Variants in MAP3K20 observed in about 807,000 individuals in gnomAD.
The protein encoded by MAP3K20 is mitogen-activated protein kinase kinase kinase 20.
MAP3K20 carries 40 observed loss-of-function variants against 85.7 expected under a neutral mutation model. That is an observed-to-expected ratio of 0.47 (90% CI 0.36 to 0.61). The LOEUF is 0.61. Among genes scored for constraint, MAP3K20 ranks in the 20% least tolerant of loss-of-function variants. MAP3K20 has a pLI of 0.00. For synonymous variants in MAP3K20, 325 were observed against 327.7 expected, an observed-to-expected ratio of 0.99 and a Z score of 0.09; for missense variants, 817 against 961.7, an observed-to-expected ratio of 0.85 and a Z score of 1.99.
At chr2:173,164,872 T>G (rs1212482285) in intron 2 of MAP3K20, among the ~76,000 whole-genome samples, 1 of 152,118 alleles carries the variant, frequency 6.6e-6, no homozygotes, top group Non-Finnish European at 1.5e-5. Flanking sequence ...CCCTGTAAAC[T>G]TATAGAAATG....
At chr2:173,212,419 G>A (rs1190301825) in intron 10 of MAP3K20, 1 of 152,096 alleles carries the variant, frequency 6.6e-6, no homozygotes. Flanking sequence ...CAAGGACATA[G>A]TAAAAGGATT....
chr2:173,106,907 A>G (rs1465259166), intron 2 of MAP3K20, among the ~76,000 whole-genome samples: 1 of 152,126 alleles, frequency 6.6e-6, no homozygotes, highest in African/African-American at 2.4e-5. Context: ...GGTAATTCCT[A>G]AGTCATGACC....
At chr2:173,096,739 A>T (rs74867280) in intron 2 of MAP3K20, among the ~76,000 whole-genome samples, 161 of 152,302 alleles carry the variant, frequency 1.1e-3, no homozygotes, top group African/African-American at 3.8e-3. Context: ...TTACTTTCAT[A>T]TCGCTTTTCC....
chr2:173,145,382 A>G (rs1283242624), intron 2 of MAP3K20, among the ~76,000 whole-genome samples: 3 of 152,222 alleles, frequency 2.0e-5, no homozygotes, highest in Non-Finnish European at 4.4e-5. Flanking sequence ...TATATCTGTC[A>G]AAGCACTTGC....
chr2:173,113,239 G>A (rs1374709053), intron 2 of MAP3K20, among the ~76,000 whole-genome samples: 2 of 151,944 alleles, frequency 1.3e-5, no homozygotes, highest in African/African-American at 4.8e-5. Context: ...AGTTGTAATA[G>A]CTCCTGTTTT....
At chr2:173,221,229 T>A in intron 11 of MAP3K20, 1 of 1,613,558 alleles carries the variant, frequency 6.2e-7, no homozygotes, top group Non-Finnish European at 8.5e-7. Context: ...AGTGCAGAGA[T>A]GTCATGTCAG....
In MAP3K20 at chr2:173,261,076, T is replaced by C. The variant is rs531586273; in HGVS notation, c.1490T>C (p.Met497Thr). 3.1e-6 allele frequency: 5 copies of C among 1,613,500 alleles called. No homozygotes were observed. In the South Asian group the frequency reaches 3.3e-5, roughly 11 times the overall value. The change falls in exon 18 of 20, where the codon ATG (methionine) becomes ACG (threonine). Residue 497 changes from methionine (M) to threonine (T), a missense_variant. Coordinates refer to ENST00000375213, the MANE Select transcript of MAP3K20 (RefSeq NM_016653.3). ...ILKMTKPPFVMEKWIVGIAKS... is the reference protein window; with the variant it reads ...ILKMTKPPFVTEKWIVGIAKS... ...TTTGTTTTTCAGCCACCATTTGTAA[T>C]GGAGAAGTGGATTGTAGGAATAGCA...
intron 14 of MAP3K20, among the ~76,000 whole-genome samples, chr2:173,234,009 C>T (rs1684588469): frequency 6.6e-6 from 1 of 152,206 alleles, no homozygotes; most frequent in African/African-American, 2.4e-5. Flanking sequence ...TGGGCAAGTC[C>T]ATCCTAAAAG....
At chr2:173,145,130 T>C (rs915357234) in intron 2 of MAP3K20, among the ~76,000 whole-genome samples, 2 of 152,106 alleles carry the variant, frequency 1.3e-5, no homozygotes, top group African/African-American at 4.8e-5. Flanking sequence ...ATAGTACTTC[T>C]ATAAGAAAGC....
At chr2:173,239,958 A>G (rs112741457) in intron 16 of MAP3K20, among the ~76,000 whole-genome samples, 1,841 of 152,364 alleles carry the variant, frequency 0.012, 23 homozygotes, top group South Asian at 0.044. Flanking sequence ...CTCTCAGTTT[A>G]TGTCATTTTG....
At chr2:173,223,544 G>T (rs555602188) in intron 11 of MAP3K20, 1 of 985,282 alleles carries the variant, frequency 1.0e-6, no homozygotes, top group East Asian at 1.1e-4. Flanking sequence ...TGTAGTATGA[G>T]ATGAAATTAA....
intron 10 of MAP3K20, chr2:173,210,550 C>T (rs1185597473): frequency 6.6e-6 from 1 of 152,028 alleles, no homozygotes; most frequent in Non-Finnish European, 1.5e-5. Context: ...TAAAAGAAAA[C>T]TTGATATCAT....
At chr2:173,081,767 G>A (rs1261830007) in intron 1 of MAP3K20, among the ~76,000 whole-genome samples, 1 of 152,200 alleles carries the variant, frequency 6.6e-6, no homozygotes, top group Non-Finnish European at 1.5e-5. Flanking sequence ...TCTCCATGAT[G>A]TTTGGTGTCG....
intron 16 of MAP3K20, among the ~76,000 whole-genome samples, chr2:173,244,147 C>T (rs548763170): frequency 5.3e-5 from 8 of 152,094 alleles, no homozygotes; most frequent in African/African-American, 1.7e-4. Flanking sequence ...GAGGGAGGGG[C>T]CAGGAGGGTG....
In MAP3K20 at chr2:173,194,193, C is replaced by T. The variant is rs148596003; in HGVS notation, c.582+3016C>T. 2.8e-4 allele frequency among the ~76,000 whole-genome samples: 42 copies of T among 152,246 alleles called. 1 individual carries two copies. The highest frequency in any genetic ancestry group is 9.9e-4 in the African/African-American group (41 of 41,552). On this transcript the variant is annotated intron_variant, in intron 7 of 19. Transcript: ENST00000375213. ...ACAGAATGTTGTGTCAGCAGAATTC[C>T]ATTCAGAAAAGTGTACAGATGCTAA...
chr2:173,223,099 T>C, intron 11 of MAP3K20: 1 of 985,436 alleles, frequency 1.0e-6, no homozygotes, highest in Non-Finnish European at 1.2e-6. Flanking sequence ...GACGTGTTTC[T>C]AATGCCCCTT....
intron 10 of MAP3K20, among the ~76,000 whole-genome samples, chr2:173,215,232 A>G (rs1684036429): frequency 6.6e-6 from 1 of 152,198 alleles, no homozygotes; most frequent in Non-Finnish European, 1.5e-5. Context: ...AGCGCTGTGT[A>G]GATGCTGTCC....
intron 2 of MAP3K20, among the ~76,000 whole-genome samples, chr2:173,145,770 T>C (rs904993995): frequency 1.3e-5 from 2 of 152,048 alleles, no homozygotes; most frequent in African/African-American, 4.8e-5. Flanking sequence ...GTTTACCCAA[T>C]AGAATGAAAA....
intron 2 of MAP3K20, among the ~76,000 whole-genome samples, chr2:173,145,763 T>C (rs539618864): frequency 6.6e-6 from 1 of 152,278 alleles, no homozygotes; most frequent in South Asian, 2.1e-4. Context: ...TATAGGTGTT[T>C]ACCCAATAGA....
Sources: allele counts gnomAD v4.1 joint callset (sites outside exome capture counted in the v4.1 genomes callset), GRCh38; gene constraint gnomAD v4.1.1; transcripts MANE v1.5; gene names NCBI Gene and HGNC (gene_info 2026-07-23, HGNC 2026-07-21).